LIMD1: variants seen among roughly 807,000 people sequenced by gnomAD.
LIMD1 encodes LIM domain-containing protein 1.
LIMD1 carries 23 observed loss-of-function variants against 58.4 expected under a neutral mutation model. The ratio of observed to expected loss-of-function variants is 0.39; its 90% CI spans 0.28 to 0.56. The LOEUF is 0.56. Among genes scored for constraint, LIMD1 ranks in the 20% least tolerant of loss-of-function variants. The probability of loss-of-function intolerance (pLI) is 0.57; values close to 1 mark genes in which losing one functional copy is unlikely to be tolerated. For missense variants in LIMD1, 838 were observed against 855.5 expected (o/e 0.98, Z 0.25); for synonymous variants, 334 against 345.5 (o/e 0.97, Z 0.37).
chr3:45,674,391 G>C lies in LIMD1; in HGVS notation c.1873G>C (p.Val625Leu), dbSNP rs549808233. 15 of 1,613,810 alleles carry C rather than the reference G, an allele frequency of 9.3e-6. No homozygotes were observed. In the South Asian group the frequency reaches 1.4e-4, roughly 15 times the overall value. Residue 625 changes from valine (V) to leucine (L), a missense_variant, in exon 7 of 8, where the codon GTG becomes CTG. Val to Leu is a conservative substitution (Grantham distance 32, BLOSUM62 1). Transcript: ENST00000273317. ...CGTGTCCATGGACAGAGACTACCAC[G>C]TGGAGTGTTACCACTGCGAGGTAGA... ...RVVSMDRDYH[V>L]ECYHCEDCGL...
At position 45,596,012 on chromosome 3, in the gene LIMD1, G is replaced by A. The variant is rs748826383; in HGVS notation, c.1133G>A (p.Gly378Asp). 9.9e-6 allele frequency: 16 copies of A among 1,614,102 alleles called. No homozygotes were observed. The highest frequency in any genetic ancestry group is 9.3e-6 in the Non-Finnish European group (11 of 1,180,050). ...CCGAAGCCTGGCTGCACAGACCTTGGCACTGGTCCCAAGCTCAGCCCCACC... is the reference window on the plus strand; with the variant it reads ...CCGAAGCCTGGCTGCACAGACCTTGACACTGGTCCCAAGCTCAGCCCCACC... Reference protein sequence around the residue: ...LGPKPGCTDLGTGPKLSPTSL... With the variant: ...LGPKPGCTDLDTGPKLSPTSL... The change falls in exon 1 of 8, where the codon GGC (glycine) becomes GAC (aspartate). Residue 378 changes from glycine (G) to aspartate (D), a missense_variant. Physicochemically the swap from Gly to Asp is moderately conservative, Grantham distance 94 (BLOSUM62 -1). This residue lies in a region of LIMD1 where 659 missense variants were observed against 639.8 expected (regional missense o/e 1.03). Coordinates refer to ENST00000273317, the MANE Select transcript of LIMD1 (RefSeq NM_014240.3).
chr3:45,618,117 C>A lies in LIMD1; in HGVS notation c.1409-18033C>A, dbSNP rs1288875397. ...CTTCTTGCCACTCCAGTCATCTCTG[C>A]CCCACATGGACACACTCAGCCGCCT... is the stretch of plus-strand genomic sequence containing the variant. On this transcript the variant is annotated intron_variant, in intron 1 of 7. Coordinates refer to ENST00000273317, the MANE Select transcript of LIMD1 (RefSeq NM_014240.3). 7.9e-5 allele frequency among the ~76,000 whole-genome samples: 12 copies of A among 152,184 alleles called. No individual in the cohort carries two copies. The East Asian group carries it at 2.3e-3, about 29-fold the overall frequency.
Position 45,686,009 on chromosome 3 carries a change from C to T in LIMD1, c.*8950C>T, listed in dbSNP as rs975004653. The T allele has an allele frequency of 1.3e-5, 2 of 152,144 alleles. No homozygotes were observed. Among genetic ancestry groups the T allele is most frequent in the Non-Finnish European group, 2.9e-5 (2 of 68,014 alleles). The allele number at this position is 152,144 out of a possible 1,614,324, so 9.4% of individuals were successfully genotyped here. On this transcript the variant is annotated 3_prime_UTR_variant, in exon 8 of 8. Transcript: ENST00000273317. ...TGTGCAAGCTGACTCCCAGCACATC[C>T]AAGAATGCAATTAACTGATAAGATA...
intron 1 of LIMD1, among the ~76,000 whole-genome samples, chr3:45,596,957 G>A (rs1249091033): frequency 6.6e-6 from 1 of 151,516 alleles, no homozygotes. Context: ...CGCCTCCCGG[G>A]TTCAAGCAAT....
rs527311412 is a variant in LIMD1, at chr3:45,601,701, G to A, written c.1408+5414G>A. Among the ~76,000 whole-genome samples the A allele has an allele frequency of 1.1e-4, 17 of 152,270 alleles. No individual in the cohort carries two copies. The South Asian group carries it at 1.9e-3, about 17-fold the overall frequency. On this transcript the variant is annotated intron_variant, in intron 1 of 7. Transcript: ENST00000273317. ...ATTCTCTGTTTACAGTTGAGAAACC[G>A]AGGCCAGAGAGGTTAAGTGACTTGC...
intron 1 of LIMD1, among the ~76,000 whole-genome samples, chr3:45,604,786 C>T (rs745908439): frequency 1.2e-4 from 19 of 152,148 alleles, no homozygotes; most frequent in Non-Finnish European, 2.4e-4. Context: ...ATTCCCACAG[C>T]GTCTGCCTGT....
chr3:45,649,241 T>C lies in LIMD1; in HGVS notation c.1510+12990T>C, dbSNP rs9855349. Among the ~76,000 whole-genome samples, 1,283 of 152,264 alleles carry C rather than the reference T, an allele frequency of 8.4e-3. 22 individuals are homozygous for C. Among genetic ancestry groups the C allele is most frequent in the African/African-American group, 0.028 (1,154 of 41,550 alleles). On this transcript the variant is annotated intron_variant, in intron 2 of 7. Coordinates refer to ENST00000273317, the MANE Select transcript of LIMD1 (RefSeq NM_014240.3). ...TTCTGCTCCTTCTCATCCCTTTGTT[T>C]AGATTCAGGTTTTCATCTGGTACCA... is the stretch of plus-strand genomic sequence containing the variant.
chr3:45,623,599 A>G (rs1701645444), intron 1 of LIMD1, among the ~76,000 whole-genome samples: 2 of 152,336 alleles, frequency 1.3e-5, no homozygotes, highest in African/African-American at 4.8e-5. Context: ...TGGCAAGTTC[A>G]GAATGAAAAA....
intron 1 of LIMD1, among the ~76,000 whole-genome samples, chr3:45,624,881 C>CTT (rs59284051): frequency 5.8e-5 from 8 of 138,440 alleles, no homozygotes; most frequent in Non-Finnish European, 7.9e-5. Flanking sequence ...TGCTATCTTC[C>CTT]TTTTTTTTTT....
intron 1 of LIMD1, among the ~76,000 whole-genome samples, chr3:45,599,147 T>G (rs184643418): frequency 7.5e-4 from 114 of 151,510 alleles, no homozygotes; most frequent in Middle Eastern, 6.8e-3. Flanking sequence ...ATTTTTATGG[T>G]TTTTTTTTAA....
At chr3:45,626,960 A>AT (rs1701673522) in intron 1 of LIMD1, among the ~76,000 whole-genome samples, 1 of 152,044 alleles carries the variant, frequency 6.6e-6, no homozygotes, top group Non-Finnish European at 1.5e-5. Flanking sequence ...GATAAATATC[A>AT]TTTTTTAAAA....
chr3:45,628,874 A>G (rs919203891), intron 1 of LIMD1, among the ~76,000 whole-genome samples: 1 of 152,248 alleles, frequency 6.6e-6, no homozygotes, highest in Non-Finnish European at 1.5e-5. Context: ...GTGAATCTCA[A>G]TTTATATTGA....
chr3:45,621,158 C>T (rs34996077), intron 1 of LIMD1, among the ~76,000 whole-genome samples: 27,869 of 152,152 alleles, frequency 0.18, 2,730 homozygotes, highest in Non-Finnish European at 0.23. Context: ...GAGAGACAAC[C>T]ACTAAATGCA....
chr3:45,625,934 G>T (rs879818369), intron 1 of LIMD1, among the ~76,000 whole-genome samples: 7 of 152,168 alleles, frequency 4.6e-5, no homozygotes, highest in Non-Finnish European at 8.8e-5. Context: ...CCCTGCCCTG[G>T]CTTATTTGGC....
intron 2 of LIMD1, among the ~76,000 whole-genome samples, chr3:45,656,602 C>T (rs966872552): frequency 3.9e-5 from 6 of 151,954 alleles, no homozygotes; most frequent in Admixed American, 6.6e-5. Flanking sequence ...ACTGCAACCT[C>T]GGCCTCCCGG....
Position 45,595,451 on chromosome 3 carries a change from G to A in LIMD1, c.572G>A (p.Gly191Asp). ...DNLSLASPKW[G>D]DKPGVSPSIG... Reference sequence around the variant, plus strand: ...CTCTCCTTGGCAAGCCCAAAGTGGGGTGACAAACCAGGAGTGTCCCCCAGC... The same window carrying A: ...CTCTCCTTGGCAAGCCCAAAGTGGGATGACAAACCAGGAGTGTCCCCCAGC... Residue 191 changes from glycine to aspartate, a missense_variant, in exon 1 of 8, where the codon GGT becomes GAT. By Grantham distance (94) the Gly-to-Asp change is moderately conservative (BLOSUM62 -1). Around this residue, in one of 3 missense-constraint regions of LIMD1, gnomAD observed 659 missense variants for 639.8 expected, o/e 1.03. Coordinates refer to ENST00000273317, the MANE Select transcript of LIMD1 (RefSeq NM_014240.3). The A allele has an allele frequency of 6.2e-7, 1 of 1,614,004 alleles. No homozygotes were observed. Among genetic ancestry groups the A allele is most frequent in the African/African-American group, 1.3e-5 (1 of 75,062 alleles).
chr3:45,595,201 G>T lies in LIMD1; in HGVS notation c.322G>T (p.Ala108Ser). Residue 108 changes from alanine to serine, a missense_variant, in exon 1 of 8, where the codon GCT (alanine) becomes TCT (serine). Ala to Ser is a moderately conservative substitution (Grantham distance 99, BLOSUM62 1). Transcript: ENST00000273317. The part of the protein sequence containing the change: ...TVDGAAKPPL[A>S]ASTGAPGAVT... Reference sequence around the variant, plus strand: ...GGATGGTGCTGCCAAGCCTCCTCTTGCTGCCTCGACAGGGGCACCTGGGGC... The same window carrying T: ...GGATGGTGCTGCCAAGCCTCCTCTTTCTGCCTCGACAGGGGCACCTGGGGC... 1 of 1,602,150 alleles carries T rather than the reference G, an allele frequency of 6.2e-7. No individual in the cohort carries two copies.
intron 2 of LIMD1, among the ~76,000 whole-genome samples, chr3:45,652,504 T>A (rs115090191): frequency 0.039 from 5,939 of 152,320 alleles, 124 homozygotes; most frequent in African/African-American, 0.059. Flanking sequence ...ACTTTACCTT[T>A]TTGAGTCTTG....
At chr3:45,604,830 TTGGTA>T (rs1338342588) in intron 1 of LIMD1, among the ~76,000 whole-genome samples, 1 of 152,194 alleles carries the variant, frequency 6.6e-6, no homozygotes, top group Non-Finnish European at 1.5e-5. Flanking sequence ...TCCTCCCTCC[TTGGTA>T]TGGTATGTTT....
Sources: gnomAD v4.1 joint callset for allele counts (sites outside exome capture counted in the v4.1 genomes callset) on GRCh38, gnomAD v4.1.1 for gene constraint, gnomAD v4.1.1 regional missense constraint, MANE v1.5 for transcripts, NCBI Gene and HGNC (gene_info 2026-07-23, HGNC 2026-07-21) for gene names.